NDRG2: variants seen among roughly 807,000 people sequenced by gnomAD.
The protein encoded by NDRG2 is NDRG family member 2, also known as protein NDRG2.
NDRG2 carries 34 observed loss-of-function variants against 58.2 expected under a neutral mutation model. That is an observed-to-expected ratio of 0.58 (90% confidence interval 0.44 to 0.78). The LOEUF is 0.78. Ranked by LOEUF, NDRG2 falls within the 30% of genes least tolerant of loss-of-function variation. NDRG2 has a pLI of 0.00. For synonymous variants in NDRG2, 187 were observed against 175.9 expected (o/e 1.06, Z -0.50); for missense variants, 434 against 471.2 (o/e 0.92, Z 0.73).
At position 21,021,097 on chromosome 14, in the gene NDRG2, T is replaced by C. The variant is rs769492410; in HGVS notation, c.408-253A>G. 33 of 633,576 alleles carry C rather than the reference T, an allele frequency of 5.2e-5. 2 individuals are homozygous for C. Among genetic ancestry groups the C allele is most frequent in the South Asian group, 4.7e-4 (31 of 66,110 alleles). 39.2% of individuals were successfully genotyped at this position (633,576 alleles called of 1,614,324 possible). A position where few individuals can be genotyped will look rare whatever the true frequency, so the allele number is the denominator to read the frequency against. ...CTAGTGTCTTAAAAACAAACACCCA[T>C]CCACCAGCCAACCAACACACTGTTT... On this transcript the variant is annotated intron_variant, in intron 6 of 15. Transcript: ENST00000556147.
upstream of NDRG2, chr14:21,028,969 C>G (rs1883881131): frequency 6.6e-6 from 1 of 152,206 alleles, no homozygotes; most frequent in South Asian, 2.1e-4. Flanking sequence ...ATCTGTAGTG[C>G]TTCTGGCCAG....
In NDRG2 at chr14:21,024,881, GCCT is replaced by G; in HGVS notation, c.-861_-859del. Reference sequence around the variant, plus strand: ...ACGCCCTGCAGCTCTTGGAGCCTCAGCCTTTGTGCGCAGCAACCGAGCGCCCGC... The same window carrying G: ...ACGCCCTGCAGCTCTTGGAGCCTCAGTTGTGCGCAGCAACCGAGCGCCCGC... On this transcript the variant is annotated 5_prime_UTR_variant, in exon 1 of 16. Coordinates refer to ENST00000556147, the MANE Select transcript of NDRG2 (RefSeq NM_001320329.2). 1 of 985,594 alleles carries G rather than the reference GCCT, an allele frequency of 1.0e-6. No homozygotes were observed. The highest frequency in any genetic ancestry group is 4.7e-5 in the South Asian group (1 of 21,292). 61.1% of individuals were successfully genotyped at this position (985,594 alleles called of 1,614,324 possible).
chr14:21,034,350 C>T (rs1016660844), intron 1 of NDRG2: 3 of 1,241,582 alleles, frequency 2.4e-6, no homozygotes, highest in Admixed American at 2.0e-5. Flanking sequence ...GGCTGTCTGC[C>T]ACATCCCAGA....
intron 1 of NDRG2, among the ~76,000 whole-genome samples, chr14:21,056,753 T>C (rs1270451536): frequency 6.6e-6 from 1 of 152,202 alleles, no homozygotes; most frequent in Admixed American, 6.5e-5. Flanking sequence ...AGGAAGCTCT[T>C]AGCCCCAGCT....
At chr14:21,020,474 C>G in intron 8 of NDRG2, 22 bp downstream of exon 8, 1 of 1,607,458 alleles carries the variant, frequency 6.2e-7, no homozygotes, top group Non-Finnish European at 8.5e-7. Context: ...CCGTAGGTCT[C>G]AGCACACAGG....
At position 21,021,799 on chromosome 14, in the gene NDRG2, G is replaced by A; in HGVS notation, c.407+18C>T. The A allele has an allele frequency of 6.2e-7, 1 of 1,609,056 alleles. No homozygotes were observed. Among genetic ancestry groups the A allele is most frequent in the Non-Finnish European group, 8.5e-7 (1 of 1,177,550 alleles). ...TGGAAAGAGAACTCTGGTTTGGAGG[G>A]GTTCCCAGGCCTCTCACTTTAGGTA... is the stretch of plus-strand genomic sequence containing the variant. On this transcript the variant is annotated intron_variant, in intron 6 of 15. Coordinates refer to ENST00000556147, the MANE Select transcript of NDRG2 (RefSeq NM_001320329.2).
intron 1 of NDRG2, among the ~76,000 whole-genome samples, chr14:21,069,534 C>A (rs1886504166): frequency 6.6e-6 from 1 of 152,234 alleles, no homozygotes; most frequent in Non-Finnish European, 1.5e-5. Flanking sequence ...GAAATGCACG[C>A]CCCTACATAA....
intron 1 of NDRG2, among the ~76,000 whole-genome samples, chr14:21,039,024 A>G (rs1884773958): frequency 6.6e-6 from 1 of 152,234 alleles, no homozygotes; most frequent in Non-Finnish European, 1.5e-5. Context: ...TTAGGATAAC[A>G]GAACTTGGAT....
At chr14:21,049,765 T>C (rs1267388313) in intron 1 of NDRG2, among the ~76,000 whole-genome samples, 1 of 150,012 alleles carries the variant, frequency 6.7e-6, no homozygotes, top group Non-Finnish European at 1.5e-5. Context: ...ACATCTTTCT[T>C]CTTTTTTTTT....
intron 1 of NDRG2, chr14:21,058,591 T>A (rs955316059): frequency 7.7e-5 from 41 of 531,698 alleles, no homozygotes; most frequent in African/African-American, 6.6e-4. Context: ...CCTTCCAGAG[T>A]CAAGCACTCA....
upstream of NDRG2, chr14:21,028,374 C>T (rs1368503051): frequency 2.0e-5 from 3 of 152,154 alleles, no homozygotes; most frequent in African/African-American, 7.2e-5. Context: ...ACTTCAGCCT[C>T]CTCAGTAGCT....
chr14:21,059,483 G>T lies in NDRG2; in HGVS notation c.24+11345C>A, dbSNP rs372939654. ...GCCATAAAAGTTACTGGGTTTTTTTGGGTTTTTTTTTTCTTTTGCTTTTTG... is the reference window on the plus strand; with the variant it reads ...GCCATAAAAGTTACTGGGTTTTTTTTGGTTTTTTTTTTCTTTTGCTTTTTG... On this transcript the variant is annotated intron_variant, in intron 1 of 14. Transcript: ENST00000403829. 5.9e-3 allele frequency among the ~76,000 whole-genome samples: 517 copies of T among 88,150 alleles called. 5 individuals are homozygous for T. Among genetic ancestry groups the T allele is most frequent in the African/African-American group, 0.015 (485 of 32,540 alleles). The allele number at this position is 88,150 out of a possible 152,430, so 57.8% of individuals were successfully genotyped here.
At chr14:21,023,076 A>T in intron 2 of NDRG2, 165 bp downstream of exon 2, 1 of 945,638 alleles carries the variant, frequency 1.1e-6, no homozygotes, top group South Asian at 1.5e-5. Flanking sequence ...TAGTGACGAG[A>T]CAAGGGCCTG....
chr14:21,049,077 T>A (rs931814573), intron 1 of NDRG2, among the ~76,000 whole-genome samples: 2 of 152,194 alleles, frequency 1.3e-5, no homozygotes, highest in African/African-American at 4.8e-5. Context: ...GAAAATAAGT[T>A]GGAGGACTTA....
intron 1 of NDRG2, among the ~76,000 whole-genome samples, chr14:21,067,241 T>C (rs1433997037): frequency 6.6e-6 from 1 of 151,812 alleles, no homozygotes; most frequent in Non-Finnish European, 1.5e-5. Context: ...TCTTCGGAAT[T>C]ATTTTAACTA....
At chr14:21,053,490 G>A (rs1046294380) in intron 1 of NDRG2, among the ~76,000 whole-genome samples, 10 of 152,218 alleles carry the variant, frequency 6.6e-5, no homozygotes, top group East Asian at 3.9e-4. Flanking sequence ...AGCCAGGCGC[G>A]GCAGTGGGTG....
intron 1 of NDRG2, among the ~76,000 whole-genome samples, chr14:21,069,083 C>T (rs1886463891): frequency 1.3e-5 from 2 of 152,280 alleles, no homozygotes; most frequent in East Asian, 1.9e-4. Flanking sequence ...TTCCGATCTC[C>T]TCTCCTCTCC....
chr14:21,037,270 G>A (rs560324648), intron 1 of NDRG2, among the ~76,000 whole-genome samples: 1 of 152,208 alleles, frequency 6.6e-6, no homozygotes, highest in Non-Finnish European at 1.5e-5. Context: ...CTAAAATCCT[G>A]TCCTAGAGGT....
intron 1 of NDRG2, among the ~76,000 whole-genome samples, chr14:21,063,104 T>C (rs977393771): frequency 1.3e-5 from 2 of 152,104 alleles, no homozygotes; most frequent in African/African-American, 4.8e-5. Context: ...TACTCCAGGC[T>C]GGGCAACGGA....
Sources: allele counts gnomAD v4.1 joint callset (sites outside exome capture counted in the v4.1 genomes callset), GRCh38; gene constraint gnomAD v4.1.1; transcripts MANE v1.5; gene names NCBI Gene and HGNC (gene_info 2026-07-23, HGNC 2026-07-21).